CYFIP1: variants seen among roughly 807,000 people sequenced by gnomAD.
CYFIP1 encodes cytoplasmic FMR1-interacting protein 1.
CYFIP1 carries 58 observed loss-of-function variants against 163.5 expected under a neutral mutation model. That is an observed-to-expected ratio of 0.35 (90% CI 0.29 to 0.44). The LOEUF (loss-of-function observed/expected upper bound fraction) is 0.44. Among genes scored for constraint, CYFIP1 ranks in the 20% least tolerant of loss-of-function variants. CYFIP1 has a pLI of 1.00. For synonymous variants in CYFIP1, 663 were observed against 660.7 expected (o/e 1.00, Z -0.05); for missense variants, 1,338 against 1,653.8 (o/e 0.81, Z 3.31).
intron 1 of CYFIP1, among the ~76,000 whole-genome samples, chr15:22,979,152 A>G (rs2063380332): frequency 6.6e-6 from 1 of 152,056 alleles, no homozygotes; most frequent in African/African-American, 2.4e-5. Flanking sequence ...TGGCCCTACG[A>G]GTGCACACCT....
intron 12 of CYFIP1, among the ~76,000 whole-genome samples, chr15:22,926,776 A>C (rs1334712539): frequency 1.3e-5 from 2 of 152,210 alleles, no homozygotes; most frequent in Non-Finnish European, 2.9e-5. Flanking sequence ...GTACAGTCTG[A>C]TATTAGAAAT....
intron 23 of CYFIP1, among the ~76,000 whole-genome samples, chr15:22,890,454 C>T (rs966251600): frequency 6.6e-6 from 1 of 152,198 alleles, no homozygotes; most frequent in African/African-American, 2.4e-5. Flanking sequence ...CTGTGGCGCA[C>T]CCCTGCCCAG....
At chr15:22,890,309 CAAAAAAA>C (rs916023349) in intron 23 of CYFIP1, among the ~76,000 whole-genome samples, 16 of 81,510 alleles carry the variant, frequency 2.0e-4, no homozygotes, top group Admixed American at 1.7e-3. Context: ...GACTCCATCT[CAAAAAAA>C]AAAAAAAAAA....
chr15:22,939,476 G>C lies in CYFIP1; in HGVS notation c.601C>G (p.Pro201Ala). Residue 201 changes from proline to alanine, a missense_variant, in exon 7 of 31, where the codon CCA becomes GCA. By Grantham distance (27) the Pro-to-Ala change is conservative. This residue lies in a region of CYFIP1 where 186 missense variants were observed against 288.3 expected (regional missense o/e 0.65). Coordinates refer to ENST00000617928, the MANE Select transcript of CYFIP1 (RefSeq NM_014608.6). ...TTCTGCGATTCCTGGATGGACTGTG[G>C]ATCTGCCATTTTACGTAAAAACTGA... The part of the protein sequence containing the change: ...AAQFLRKMAD[P>A]QSIQESQNLS... 1 of 1,600,472 alleles carries C rather than the reference G, an allele frequency of 6.2e-7. No homozygotes were observed. Among genetic ancestry groups the C allele is most frequent in the Non-Finnish European group, 8.5e-7 (1 of 1,173,900 alleles).
chr15:22,879,365 A>C (rs1374780353), intron 26 of CYFIP1, among the ~76,000 whole-genome samples: 1 of 152,146 alleles, frequency 6.6e-6, no homozygotes, highest in Non-Finnish European at 1.5e-5. Flanking sequence ...ACAGCACCAC[A>C]AAAAGGCGGC....
In CYFIP1 at chr15:22,918,653, G is replaced by C. The variant is rs758145802; in HGVS notation, c.1526+39C>G. 21 of 1,507,994 alleles carry C rather than the reference G, an allele frequency of 1.4e-5. No individual in the cohort carries two copies. The Admixed American group carries it at 3.0e-4, about 21-fold the overall frequency. 93.4% of individuals were successfully genotyped at this position (1,507,994 alleles called of 1,614,324 possible). On this transcript the variant is annotated intron_variant, in intron 14 of 30. Coordinates refer to ENST00000617928, the MANE Select transcript of CYFIP1 (RefSeq NM_014608.6). ...TTTGAATCCAAGTTCATCCGAGGAC[G>C]TGTGGGCACAGCGGGCACAGGGCGT... is the stretch of plus-strand genomic sequence containing the variant.
chr15:22,934,174 T>TCTC, intron 9 of CYFIP1, among the ~76,000 whole-genome samples: 1 of 129,064 alleles, frequency 7.7e-6, no homozygotes, highest in African/African-American at 3.1e-5. Flanking sequence ...ACTGCATTTC[T>TCTC]TTCTTTTTTT....
chr15:22,960,898 G>A (rs549799858), intron 1 of CYFIP1, among the ~76,000 whole-genome samples: 19 of 152,348 alleles, frequency 1.2e-4, no homozygotes, highest in South Asian at 1.0e-3. Flanking sequence ...GGGGGCCCAC[G>A]AACAAGGTGG....
At chr15:22,893,274 G>T (rs1487442044) in intron 22 of CYFIP1, among the ~76,000 whole-genome samples, 1 of 152,178 alleles carries the variant, frequency 6.6e-6, no homozygotes, top group Non-Finnish European at 1.5e-5. Flanking sequence ...GCTCTGCTGC[G>T]CTTCCAGACA....
At chr15:22,966,288 G>A (rs1373687412) in intron 1 of CYFIP1, among the ~76,000 whole-genome samples, 1 of 151,128 alleles carries the variant, frequency 6.6e-6, no homozygotes, top group Non-Finnish European at 1.5e-5. Context: ...CAGGAGAATC[G>A]CTCGAACCCG....
chr15:22,910,470 T>G lies in CYFIP1; in HGVS notation c.2268+50A>C, dbSNP rs755876957. The G allele has an allele frequency of 9.3e-6, 14 of 1,507,944 alleles. No homozygotes were observed. The East Asian group carries it at 3.2e-4, about 34-fold the overall frequency. The allele number at this position is 1,507,944 out of a possible 1,614,324, so 93.4% of individuals were successfully genotyped here. A position where few individuals can be genotyped will look rare whatever the true frequency, so the allele number is the denominator to read the frequency against. On this transcript the variant is annotated intron_variant, in intron 20 of 30. Coordinates refer to ENST00000617928, the MANE Select transcript of CYFIP1 (RefSeq NM_014608.6). The stretch of plus-strand genomic sequence containing the variant: ...CCACCGCACCCAGCCGAAAACCCAG[T>G]CTTTTCAATGCACACTCTACGTCCC...
chr15:22,876,573 T>A (rs991727383), intron 26 of CYFIP1, among the ~76,000 whole-genome samples: 1 of 152,068 alleles, frequency 6.6e-6, no homozygotes, highest in African/African-American at 2.4e-5. Flanking sequence ...CCAGGTGCAG[T>A]GGCTCACGCC....
rs549250968 is a variant in CYFIP1 at position 22,929,177 on chromosome 15, G to A, written c.1111-1149C>T. On this transcript the variant is annotated intron_variant, in intron 11 of 30. Coordinates refer to ENST00000617928, the MANE Select transcript of CYFIP1 (RefSeq NM_014608.6). ...GAAGATTGCAGTGAGCCAAGATCCC[G>A]CCATCACACGCCATCCAGCCTGGGC... Among the ~76,000 whole-genome samples, 7 of 148,302 alleles carry A rather than the reference G, an allele frequency of 4.7e-5. No individual in the cohort carries two copies. In the Middle Eastern group the frequency reaches 0.014, roughly 298 times the overall value.
rs2059256781 is a variant in CYFIP1, at chr15:22,868,029, C to CTGTTCCAGCCTGTGG, written c.*1984_*1998dup. On this transcript the variant is annotated 3_prime_UTR_variant, in exon 31 of 31. Transcript: ENST00000617928. ...TAGGTGATGGGAAGAAAGTGTTCGC[C>CTGTTCCAGCCTGTGG]TGTTCCAGCCTGTGGCTCCTGCCTG... 1.3e-5 allele frequency: 2 copies of CTGTTCCAGCCTGTGG among 152,248 alleles called. No individual in the cohort carries two copies. The highest frequency in any genetic ancestry group is 4.1e-4 in the South Asian group (2 of 4,830). 9.4% of individuals were successfully genotyped at this position (152,248 alleles called of 1,614,324 possible).
intron 13 of CYFIP1, among the ~76,000 whole-genome samples, chr15:22,925,093 G>C (rs924020662): frequency 6.6e-6 from 1 of 152,098 alleles, no homozygotes. Flanking sequence ...ACCCAAGGTT[G>C]GTTCATGGAG....
chr15:22,901,229 A>C (rs1350339615), intron 22 of CYFIP1, among the ~76,000 whole-genome samples: 1 of 151,932 alleles, frequency 6.6e-6, no homozygotes, highest in Non-Finnish European at 1.5e-5. Flanking sequence ...AAACCAAAAA[A>C]ACAACTCACT....
In CYFIP1 at chr15:22,930,130, G is replaced by A. The variant is rs147080196; in HGVS notation, c.1110+2093C>T. ...TCCCAGCACTTTGGGAGGCCGAGAC[G>A]GGTGGATCACCAGGTCAGGAGATTG... On this transcript the variant is annotated intron_variant, in intron 11 of 30. Transcript: ENST00000617928. 7.9e-3 allele frequency among the ~76,000 whole-genome samples: 1,199 copies of A among 151,812 alleles called. 9 individuals carry two copies. The highest frequency in any genetic ancestry group is 0.017 in the Middle Eastern group (5 of 294).
At chr15:22,871,498 G>A (rs952160595) in intron 30 of CYFIP1, among the ~76,000 whole-genome samples, 2 of 152,188 alleles carry the variant, frequency 1.3e-5, no homozygotes, top group East Asian at 1.9e-4. Context: ...TGGGAGCCCC[G>A]GAAATGGAGG....
intron 29 of CYFIP1, 123 bp downstream of exon 29, chr15:22,873,368 G>A (rs1034620517): frequency 3.0e-5 from 24 of 790,740 alleles, no homozygotes; most frequent in African/African-American, 1.9e-4. Flanking sequence ...CTTAAAAGCC[G>A]CTCAGTGAGT....
Sources: allele counts gnomAD v4.1 joint callset (sites outside exome capture counted in the v4.1 genomes callset), GRCh38; gene constraint gnomAD v4.1.1; regional missense constraint gnomAD v4.1.1; transcripts MANE v1.5; gene names NCBI Gene and HGNC (gene_info 2026-07-23, HGNC 2026-07-21).